MN1: variants seen among roughly 807,000 people sequenced by gnomAD.
MN1 encodes the protein MN1 proto-oncogene, transcriptional regulator.
Under a neutral mutation model 86.9 loss-of-function variants are expected in MN1, and 19 were observed. The observed-to-expected ratio is 0.22, with a 90% CI of 0.15 to 0.32. The LOEUF (loss-of-function observed/expected upper bound fraction) is 0.32, where lower values mean the gene tolerates loss of function less well. Ranked by LOEUF, MN1 falls within the 10% of genes least tolerant of loss-of-function variation. MN1 has a pLI of 1.00. For synonymous variants in MN1, 928 were observed against 849.6 expected (o/e 1.09, Z -1.60); for missense variants, 1,841 against 1,862.0 (o/e 0.99, Z 0.21).
At chr22:27,793,378 A>G (rs1191922920) in intron 1 of MN1, among the ~76,000 whole-genome samples, 1 of 144,718 alleles carries the variant, frequency 6.9e-6, no homozygotes, top group Non-Finnish European at 1.5e-5. Context: ...GATCATTTCT[A>G]TAGTGTGTTA....
intron 1 of MN1, among the ~76,000 whole-genome samples, chr22:27,790,505 T>C (rs1933196274): frequency 6.6e-6 from 1 of 152,190 alleles, no homozygotes; most frequent in Non-Finnish European, 1.5e-5. Flanking sequence ...GGCTCTGAGC[T>C]GGGGACTGTG....
At chr22:27,770,766 C>T (rs984201167) in intron 1 of MN1, among the ~76,000 whole-genome samples, 5 of 150,570 alleles carry the variant, frequency 3.3e-5, no homozygotes, top group Admixed American at 6.6e-5. Context: ...CCAAGCAATC[C>T]CCCACCTCAA....
chr22:27,794,886 G>T (rs1242414818), intron 1 of MN1, among the ~76,000 whole-genome samples: 1 of 151,574 alleles, frequency 6.6e-6, no homozygotes, highest in Non-Finnish European at 1.5e-5. Context: ...GAGTGGGAGG[G>T]GAGGATGAGA....
Position 27,750,837 on chromosome 22 carries a change from G to A in MN1, c.*78C>T. 2 of 1,289,688 alleles carry A rather than the reference G, an allele frequency of 1.6e-6. No individual in the cohort carries two copies. Among genetic ancestry groups the A allele is most frequent in the Admixed American group, 2.6e-5 (1 of 38,356 alleles). 79.9% of individuals were successfully genotyped at this position (1,289,688 alleles called of 1,614,324 possible). ...GTGGCCCTTTCAAATTAACAGAGGG[G>A]TGGGGTAAGGTTGAGGGGGAAGGAA... On this transcript the variant is annotated 3_prime_UTR_variant, in exon 2 of 2. Coordinates refer to ENST00000302326, the MANE Select transcript of MN1 (RefSeq NM_002430.3).
intron 1 of MN1, among the ~76,000 whole-genome samples, chr22:27,785,746 G>GCCC (rs35117962): frequency 3.5e-4 from 48 of 135,254 alleles, no homozygotes; most frequent in African/African-American, 1.1e-3. Flanking sequence ...TAACAGGTGT[G>GCCC]CCCCCCCCCC....
chr22:27,798,127 G>A lies in MN1; in HGVS notation c.2417C>T (p.Ser806Leu). Reference sequence around the variant, plus strand: ...GCTGGGCTTGTTGAAGGAGCCCAGCGAGAGCGCGCCCAATTTACTGGCCGA... The same window carrying A: ...GCTGGGCTTGTTGAAGGAGCCCAGCAAGAGCGCGCCCAATTTACTGGCCGA... ...RTSASKLGAL[S>L]LGSFNKPSSK... The change falls in exon 1 of 2, where the codon TCG becomes TTG. Residue 806 changes from serine (S) to leucine (L), a missense_variant. Coordinates refer to ENST00000302326, the MANE Select transcript of MN1 (RefSeq NM_002430.3). The A allele has an allele frequency of 1.2e-6, 2 of 1,607,394 alleles. No individual in the cohort carries two copies. Among genetic ancestry groups the A allele is most frequent in the Non-Finnish European group, 1.7e-6 (2 of 1,178,638 alleles).
Position 27,799,391 on chromosome 22 carries a change from C to A in MN1, c.1153G>T (p.Glu385Ter). The change falls in exon 1 of 2, where the codon GAG (glutamate) becomes TAG (stop). Residue 385 changes from glutamate (E) to a stop codon, truncating the protein, a stop_gained. Coordinates refer to ENST00000302326, the MANE Select transcript of MN1 (RefSeq NM_002430.3). LOFTEE classifies it high-confidence loss of function. ...AGGCCGCCGCTGGGCGTGCCCGCCT[C>A]GCCCTGCTGGGGCCGAGGGAGCGCA... ...PPALPRPQQG[E>*]AGTPSGGLQD... 6.6e-7 allele frequency: 1 copy of A among 1,525,140 alleles called. No individual in the cohort carries two copies. The highest frequency in any genetic ancestry group is 1.3e-5 in the South Asian group (1 of 79,032). The allele number at this position is 1,525,140 out of a possible 1,614,324, so 94.5% of individuals were successfully genotyped here.
intron 1 of MN1, among the ~76,000 whole-genome samples, chr22:27,770,434 C>T (rs902037381): frequency 7.0e-5 from 10 of 142,224 alleles, no homozygotes; most frequent in Non-Finnish European, 1.2e-4. Flanking sequence ...CTCTGAGGCC[C>T]TCTTGGGCAG....
At chr22:27,782,524 T>C (rs1933067601) in intron 1 of MN1, among the ~76,000 whole-genome samples, 1 of 152,266 alleles carries the variant, frequency 6.6e-6, no homozygotes, top group Admixed American at 6.5e-5. Flanking sequence ...GGTTCACTGA[T>C]GCCCTATATA....
chr22:27,783,126 C>T (rs995867191), intron 1 of MN1, among the ~76,000 whole-genome samples: 3 of 149,990 alleles, frequency 2.0e-5, no homozygotes, highest in African/African-American at 5.0e-5. Flanking sequence ...GGATGTACGT[C>T]GTGCTGCTTT....
chr22:27,779,762 G>A (rs1933026306), intron 1 of MN1, among the ~76,000 whole-genome samples: 1 of 152,168 alleles, frequency 6.6e-6, no homozygotes, highest in East Asian at 1.9e-4. Context: ...CGCCAGGCCT[G>A]GGTCACCCAG....
In MN1 at chr22:27,800,505, G is replaced by A; in HGVS notation, c.39C>T (p.Ser13=). ...TCCTCTCGCCCTGGCCAGCGTTCCT[G>A]CTGTTGACCTGGGGCTCGAATTGGT... ...GLDQFEPQVN[S]RNAGQGERNF... The change falls in exon 1 of 2, where the codon AGC becomes AGT. Residue 13 remains serine, a synonymous_variant. Coordinates refer to ENST00000302326, the MANE Select transcript of MN1 (RefSeq NM_002430.3). 1 of 1,614,194 alleles carries A rather than the reference G, an allele frequency of 6.2e-7. No individual in the cohort carries two copies. Among genetic ancestry groups the A allele is most frequent in the Non-Finnish European group, 8.5e-7 (1 of 1,180,022 alleles).
In MN1 at chr22:27,797,307, G is replaced by A. The variant is rs1183910175; in HGVS notation, c.3237C>T (p.Thr1079=). 6.2e-7 allele frequency: 1 copy of A among 1,600,492 alleles called. No homozygotes were observed. Among genetic ancestry groups the A allele is most frequent in the Non-Finnish European group, 8.5e-7 (1 of 1,179,372 alleles). Residue 1079 remains threonine (T), a synonymous_variant, in exon 1 of 2, where the codon ACC becomes ACT. Coordinates refer to ENST00000302326, the MANE Select transcript of MN1 (RefSeq NM_002430.3). ...LVKASRSPLV[T]GSPKLPPRGV... ...CACGGGGAGGGAGTTTGGGCGAGCC[G>A]GTCACCAGGGGACTCCTGCTCGCTT... is the stretch of plus-strand genomic sequence containing the variant.
chr22:27,761,210 GCT>G (rs1055363026), intron 1 of MN1, among the ~76,000 whole-genome samples: 3 of 149,644 alleles, frequency 2.0e-5, no homozygotes, highest in South Asian at 2.1e-4. Flanking sequence ...TCTCGTTCTC[GCT>G]CTCTCTCTTT....
At chr22:27,768,056 C>T (rs928045411) in intron 1 of MN1, among the ~76,000 whole-genome samples, 1 of 151,996 alleles carries the variant, frequency 6.6e-6, no homozygotes. Flanking sequence ...AAAGCATCTT[C>T]TACTTTTTCC....
At chr22:27,763,565 G>A (rs1483695527) in intron 1 of MN1, among the ~76,000 whole-genome samples, 1 of 152,156 alleles carries the variant, frequency 6.6e-6, no homozygotes, top group Non-Finnish European at 1.5e-5. Flanking sequence ...GCAAAGAAGG[G>A]GATGAATTGG....
Position 27,798,945 on chromosome 22 carries a change from TTGCTGC to T in MN1, c.1593_1598del (p.Gln549_Gln550del), listed in dbSNP as rs34890218. ...GCTGTTGCTGCTGCTGCTGCTGCTG[TTGCTGC>T]TGCTGCTGCTGCTGCTGCTGCTGTT... On this transcript the variant is annotated inframe_deletion, in exon 1 of 2. Coordinates refer to ENST00000302326, the MANE Select transcript of MN1 (RefSeq NM_002430.3). The T allele has an allele frequency of 4.2e-5, 65 of 1,539,644 alleles. No homozygotes were observed. The highest frequency in any genetic ancestry group is 2.1e-4 in the South Asian group (18 of 86,336).
Position 27,769,510 on chromosome 22 carries a change from T to C in MN1, c.3782-18414A>G, listed in dbSNP as rs528498404. Among the ~76,000 whole-genome samples the C allele has an allele frequency of 8.8e-4, 131 of 149,714 alleles. 1 individual carries two copies. Among genetic ancestry groups the C allele is most frequent in the Admixed American group, 2.3e-3 (34 of 14,888 alleles). On this transcript the variant is annotated intron_variant, in intron 1 of 1. Transcript: ENST00000302326. ...GGAAATGCAGTGACTGAGGATGAAG[T>C]AGAATGATGATAATAACGAAGCAAT...
At chr22:27,790,189 T>A (rs915035758) in intron 1 of MN1, among the ~76,000 whole-genome samples, 7 of 152,212 alleles carry the variant, frequency 4.6e-5, no homozygotes, top group African/African-American at 9.7e-5. Flanking sequence ...CCCGAGAACA[T>A]GATGCCTTTC....
Sources: gnomAD v4.1 joint callset for allele counts (sites outside exome capture counted in the v4.1 genomes callset) on GRCh38, gnomAD v4.1.1 for gene constraint, MANE v1.5 for transcripts, NCBI Gene and HGNC (gene_info 2026-07-23, HGNC 2026-07-21) for gene names.